FOCAD: variants seen among roughly 807,000 people sequenced by gnomAD.
FOCAD encodes focadhesin.
FOCAD carries 198 observed loss-of-function variants against 225.6 expected under a neutral mutation model. That is an observed-to-expected ratio of 0.88 (90% CI 0.78 to 0.99). The LOEUF (loss-of-function observed/expected upper bound fraction) is 0.99. Ranked by LOEUF, FOCAD falls within the 50% of genes least tolerant of loss-of-function variation. The probability of loss-of-function intolerance (pLI) is 0.00; values close to 1 mark genes in which losing one functional copy is unlikely to be tolerated. For missense variants in FOCAD, 2,713 were observed against 2,123.6 expected (o/e 1.28, Z -5.46); for synonymous variants, 897 against 755.0 (o/e 1.19, Z -3.08).
intron 35 of FOCAD, among the ~76,000 whole-genome samples, chr9:20,960,116 T>G (rs1838564752): frequency 6.6e-6 from 1 of 152,228 alleles, no homozygotes; most frequent in Non-Finnish European, 1.5e-5. Flanking sequence ...TATTGGTCTC[T>G]TTGGTCTCCT....
chr9:20,939,037 C>G (rs10964760), intron 28 of FOCAD, among the ~76,000 whole-genome samples: 1 of 149,678 alleles, frequency 6.7e-6, no homozygotes, highest in Non-Finnish European at 1.5e-5. Context: ...GTAGTCCCAG[C>G]TACTCAGGAG....
intron 23 of FOCAD, among the ~76,000 whole-genome samples, chr9:20,915,380 G>A (rs559592683): frequency 1.3e-5 from 2 of 152,260 alleles, no homozygotes; most frequent in South Asian, 2.1e-4. Flanking sequence ...TATCAGTGAC[G>A]TAGAAAGAGA....
At chr9:20,727,785 C>G (rs1826330814) in intron 4 of FOCAD, among the ~76,000 whole-genome samples, 1 of 152,180 alleles carries the variant, frequency 6.6e-6, no homozygotes, top group Non-Finnish European at 1.5e-5. Context: ...TAAAAAGGGA[C>G]TTGGCCACAT....
intron 21 of FOCAD, among the ~76,000 whole-genome samples, chr9:20,901,190 CAAT>C (rs796614276): frequency 6.8e-5 from 7 of 103,492 alleles, no homozygotes; most frequent in East Asian, 3.5e-4. Context: ...AATGTGGAAA[CAAT>C]GTGTGTGTGT....
At chr9:20,719,292 A>T (rs915054122) in intron 3 of FOCAD, among the ~76,000 whole-genome samples, 3 of 152,200 alleles carry the variant, frequency 2.0e-5, no homozygotes, top group Non-Finnish European at 2.9e-5. Context: ...CATGTTGGCC[A>T]GGCTGGTCTC....
At chr9:20,894,412 G>A (rs1482567664) in intron 21 of FOCAD, among the ~76,000 whole-genome samples, 1 of 152,062 alleles carries the variant, frequency 6.6e-6, no homozygotes, top group Non-Finnish European at 1.5e-5. Context: ...TTGCTGGATT[G>A]TATGGTAAGA....
At chr9:20,758,257 T>G in intron 6 of FOCAD, 66 bp downstream of exon 6, 1 of 1,167,350 alleles carries the variant, frequency 8.6e-7, no homozygotes, top group Non-Finnish European at 1.2e-6. Context: ...ATTTTAGAGC[T>G]AGGGTTTTTT....
At chr9:20,939,200 T>A (rs796758767) in intron 28 of FOCAD, among the ~76,000 whole-genome samples, 5 of 148,416 alleles carry the variant, frequency 3.4e-5, no homozygotes, top group African/African-American at 1.2e-4. Flanking sequence ...AAGAAAGAGT[T>A]TGATGGCATG....
In FOCAD at chr9:20,990,320, C is replaced by G. The variant is rs372391715; in HGVS notation, c.5202C>G (p.Pro1734=). 4 of 1,614,040 alleles carry G rather than the reference C, an allele frequency of 2.5e-6. No individual in the cohort carries two copies. The highest frequency in any genetic ancestry group is 3.4e-6 in the Non-Finnish European group (4 of 1,179,988). Residue 1734 remains proline (P), a synonymous_variant, in exon 42 of 44, where the codon CCC becomes CCG. Coordinates refer to ENST00000338382, the MANE Select transcript of FOCAD (RefSeq NM_001375567.1). ...TGCAGGAGGTTCTCACTCTCCTTCC[C>G]AATAGCATGGCTCTGCTGCTGCAGA... ...VTLQEVLTLL[P]NSMALLLQKE... is the part of the protein sequence containing the mutation.
intron 33 of FOCAD, among the ~76,000 whole-genome samples, 160 bp from the exon 34 acceptor site, chr9:20,950,836 A>C (rs1021639679): frequency 1.3e-5 from 2 of 152,224 alleles, no homozygotes; most frequent in African/African-American, 4.8e-5. Flanking sequence ...TGACACAGGT[A>C]TAGCGTACTA....
chr9:20,655,797 G>A (rs1554647588), upstream of FOCAD, among the ~76,000 whole-genome samples: 21 of 152,002 alleles, frequency 1.4e-4, no homozygotes, highest in Non-Finnish European at 1.5e-5. Flanking sequence ...TCTGATTTTA[G>A]TTATTTCTTG....
At chr9:20,835,520 T>C (rs1825910223) in intron 15 of FOCAD, among the ~76,000 whole-genome samples, 1 of 152,110 alleles carries the variant, frequency 6.6e-6, no homozygotes, top group Non-Finnish European at 1.5e-5. Context: ...TTGTGGTGAA[T>C]GAGTCATAAT....
intron 7 of FOCAD, among the ~76,000 whole-genome samples, chr9:20,767,482 A>G (rs1830150128): frequency 6.6e-6 from 1 of 150,860 alleles, no homozygotes; most frequent in Non-Finnish European, 1.5e-5. Context: ...CCTCTCCAGC[A>G]CCTGTTGTTT....
At chr9:20,768,385 G>C (rs150997720) in intron 7 of FOCAD, among the ~76,000 whole-genome samples, 4 of 152,058 alleles carry the variant, frequency 2.6e-5, no homozygotes, top group East Asian at 1.9e-4. Flanking sequence ...TAGCTTGCTG[G>C]GGATGGCATT....
intron 28 of FOCAD, among the ~76,000 whole-genome samples, chr9:20,937,952 T>G (rs1389683965): frequency 6.6e-6 from 1 of 152,084 alleles, no homozygotes; most frequent in African/African-American, 2.4e-5. Flanking sequence ...AAGAAGACAT[T>G]TATGCAGCCA....
rs200897055 is a variant in FOCAD at position 20,798,937 on chromosome 9, A to G, written c.1455+9329A>G. 5.3e-5 allele frequency among the ~76,000 whole-genome samples: 8 copies of G among 152,022 alleles called. No homozygotes were observed. In the East Asian group the frequency reaches 5.8e-4, roughly 11 times the overall value. On this transcript the variant is annotated intron_variant, in intron 11 of 43. Coordinates refer to ENST00000338382, the MANE Select transcript of FOCAD (RefSeq NM_001375567.1). Reference sequence around the variant, plus strand: ...CTTCTCTAGTTCTTTTAATTGTGATATTAGGGTGTCAATTTTAGATCTTTC... The same window carrying G: ...CTTCTCTAGTTCTTTTAATTGTGATGTTAGGGTGTCAATTTTAGATCTTTC...
At chr9:20,768,003 T>G (rs905752164) in intron 7 of FOCAD, among the ~76,000 whole-genome samples, 26 of 152,020 alleles carry the variant, frequency 1.7e-4, no homozygotes, top group African/African-American at 6.3e-4. Context: ...GATTTTTGTA[T>G]AAGGTGTAAG....
intron 11 of FOCAD, among the ~76,000 whole-genome samples, chr9:20,807,458 G>T (rs556810228): frequency 9.8e-5 from 15 of 152,358 alleles, no homozygotes; most frequent in African/African-American, 3.6e-4. Flanking sequence ...ACATTAAAAA[G>T]TGAACACAAA....
At chr9:20,920,103 A>G (rs1786022396) in intron 24 of FOCAD, among the ~76,000 whole-genome samples, 1 of 151,928 alleles carries the variant, frequency 6.6e-6, no homozygotes. Context: ...AATGAACTCA[A>G]ACAAATTCAC....
Sources: allele counts gnomAD v4.1 joint callset (sites outside exome capture counted in the v4.1 genomes callset), GRCh38; gene constraint gnomAD v4.1.1; transcripts MANE v1.5; gene names NCBI Gene and HGNC (gene_info 2026-07-23, HGNC 2026-07-21).